The following IGF2R variants were observed in gnomAD, a reference collection of about 807,000 sequenced individuals.
IGF2R encodes the protein insulin like growth factor 2 receptor.
A neutral mutation model predicts 270.6 loss-of-function variants in IGF2R; 91 were observed. The ratio of observed to expected loss-of-function variants is 0.34; its 90% CI spans 0.28 to 0.40. IGF2R has a LOEUF of 0.40. Among genes scored for constraint, IGF2R ranks in the 10% least tolerant of loss-of-function variants. IGF2R has a pLI of 1.00. For synonymous variants in IGF2R, 1,316 were observed against 1,258.9 expected (o/e 1.05, Z -0.96); for missense variants, 2,805 against 3,188.3 (o/e 0.88, Z 2.90).
At chr6:159,983,306 C>T (rs2115175733) in intron 1 of IGF2R, among the ~76,000 whole-genome samples, 1 of 152,324 alleles carries the variant, frequency 6.6e-6, no homozygotes, top group Non-Finnish European at 1.5e-5. Context: ...AACCAGCTGA[C>T]AGTCTGTTAC....
intron 39 of IGF2R, among the ~76,000 whole-genome samples, chr6:160,082,955 G>A (rs1583298272): frequency 6.6e-6 from 1 of 152,308 alleles, no homozygotes; most frequent in Non-Finnish European, 1.5e-5. Context: ...ATTTCTAGTC[G>A]GGTGGGATGA....
chr6:160,000,013 C>T (rs1228777404), intron 2 of IGF2R, among the ~76,000 whole-genome samples: 1 of 152,116 alleles, frequency 6.6e-6, no homozygotes, highest in Non-Finnish European at 1.5e-5. Flanking sequence ...AGCATGTTTG[C>T]CAATGTACTA....
intron 6 of IGF2R, among the ~76,000 whole-genome samples, chr6:160,028,571 G>C (rs1253572706): frequency 1.3e-5 from 2 of 152,256 alleles, no homozygotes; most frequent in Admixed American, 1.3e-4. Flanking sequence ...TCTGTGATCA[G>C]CTATTCTCTA....
At position 160,102,701 on chromosome 6, in the gene IGF2R, G is replaced by A; in HGVS notation, c.6995+30G>A. 6.4e-7 allele frequency: 1 copy of A among 1,560,884 alleles called. No individual in the cohort carries two copies. Among genetic ancestry groups the A allele is most frequent in the South Asian group, 1.2e-5 (1 of 86,806 alleles). On this transcript the variant is annotated intron_variant, in intron 46 of 47. Transcript: ENST00000356956. The surrounding 1 kb of genome is among the most constrained non-coding windows in gnomAD (Gnocchi z 4.5). ...GCGGGTGGCAGGGCGAGGTGGGGCGGGTGGATGCATGCCTCCCATAGCTAA... is the reference window on the plus strand; with the variant it reads ...GCGGGTGGCAGGGCGAGGTGGGGCGAGTGGATGCATGCCTCCCATAGCTAA...
At position 160,061,861 on chromosome 6, in the gene IGF2R, T is replaced by A. The variant is rs747309472; in HGVS notation, c.3515T>A (p.Val1172Asp). Residue 1172 changes from valine (V) to aspartate (D), a missense_variant, in exon 25 of 48, where the codon GTC (valine) becomes GAC (aspartate). Coordinates refer to ENST00000356956, the MANE Select transcript of IGF2R (RefSeq NM_000876.4). ...AATGGATCTTTGAGCATCATGTATG[T>A]CAACGGTGACAAGTGTGGGAACCAG... ...AANGSLSIMY[V>D]NGDKCGNQRF... 1.2e-6 allele frequency: 2 copies of A among 1,614,188 alleles called. No individual in the cohort carries two copies. The highest frequency in any genetic ancestry group is 1.7e-6 in the Non-Finnish European group (2 of 1,180,036).
At chr6:160,013,292 C>T (rs1340428520) in intron 4 of IGF2R, among the ~76,000 whole-genome samples, 1 of 151,402 alleles carries the variant, frequency 6.6e-6, no homozygotes, top group Non-Finnish European at 1.5e-5. Flanking sequence ...TTTGTACAAC[C>T]CCAGGACTAA....
Position 160,073,353 on chromosome 6 carries a change from A to T in IGF2R, c.4831A>T (p.Ser1611Cys), listed in dbSNP as rs1778785906. 1 of 1,614,272 alleles carries T rather than the reference A, an allele frequency of 6.2e-7. No homozygotes were observed. The highest frequency in any genetic ancestry group is 1.3e-5 in the African/African-American group (1 of 75,078). Reference sequence around the variant, plus strand: ...CGGCCTGAGCTATAAGAGTGTGATCAGTTTCGTGTGCAGGCCTGAGGCCAG... The same window carrying T: ...CGGCCTGAGCTATAAGAGTGTGATCTGTTTCGTGTGCAGGCCTGAGGCCAG... ...KSGLSYKSVI[S>C]FVCRPEARPT... is the part of the protein sequence containing the mutation. Residue 1611 changes from serine to cysteine, a missense_variant, in exon 34 of 48, where the codon AGT becomes TGT. By Grantham distance (112) the Ser-to-Cys change is moderately radical (BLOSUM62 -1). Transcript: ENST00000356956.
At chr6:159,979,203 C>T (rs1250000236) in intron 1 of IGF2R, among the ~76,000 whole-genome samples, 1 of 152,186 alleles carries the variant, frequency 6.6e-6, no homozygotes, top group African/African-American at 2.4e-5. Flanking sequence ...TTGTTGCTAT[C>T]TGCATGGTTA....
intron 20 of IGF2R, 28 bp from the exon 21 acceptor site, chr6:160,057,995 C>T: frequency 7.0e-7 from 1 of 1,437,742 alleles, no homozygotes; most frequent in South Asian, 1.1e-5. Flanking sequence ...TTGAATGCGC[C>T]CCTTTTTCCC....
chr6:160,051,821 G>T lies in IGF2R; in HGVS notation c.2694+1169G>T, dbSNP rs185590138. Among the ~76,000 whole-genome samples the T allele has an allele frequency of 3.1e-3, 473 of 152,196 alleles. 4 individuals carry two copies. Among genetic ancestry groups the T allele is most frequent in the African/African-American group, 0.011 (457 of 41,512 alleles). ...AAAATTTAAAAAAAAATTTAGCCAA[G>T]TGTGGTGGCTCATGCCTGTAGTCCC... On this transcript the variant is annotated intron_variant, in intron 19 of 47. Coordinates refer to ENST00000356956, the MANE Select transcript of IGF2R (RefSeq NM_000876.4).
intron 11 of IGF2R, among the ~76,000 whole-genome samples, chr6:160,042,694 G>A (rs1229645151): frequency 1.3e-5 from 2 of 152,214 alleles, no homozygotes; most frequent in African/African-American, 4.8e-5. Flanking sequence ...ATGTGTAAGA[G>A]GTTGCTGGTT....
chr6:160,103,472 G>A (rs954876530), intron 46 of IGF2R, among the ~76,000 whole-genome samples: 2 of 152,228 alleles, frequency 1.3e-5, no homozygotes, highest in Non-Finnish European at 2.9e-5. Context: ...GGTCCTGTTA[G>A]TCATGTGAAA....
At chr6:160,096,314 G>A (rs539088735) in intron 44 of IGF2R, 125 bp from the exon 45 acceptor site, 9 of 784,364 alleles carry the variant, frequency 1.1e-5, no homozygotes, top group Middle Eastern at 3.8e-4. Flanking sequence ...CCTGTGGGAC[G>A]TGGGATGAAG....
chr6:160,068,264 C>T lies in IGF2R; in HGVS notation c.4131C>T (p.Asn1377=). The part of the protein sequence containing the change: ...TECSFKDGAG[N]SFDLSSLSRY... ...TTCTTTTCAGAGATGGGGCTGGCAA[C>T]TCCTTCGACCTCTCGTCCCTGTCAA... The change falls in exon 30 of 48, where the codon AAC becomes AAT. Residue 1377 remains asparagine (N), a synonymous_variant. Coordinates refer to ENST00000356956, the MANE Select transcript of IGF2R (RefSeq NM_000876.4). 6.2e-7 allele frequency: 1 copy of T among 1,614,244 alleles called. No homozygotes were observed. Among genetic ancestry groups the T allele is most frequent in the Non-Finnish European group, 8.5e-7 (1 of 1,180,036 alleles).
intron 2 of IGF2R, among the ~76,000 whole-genome samples, chr6:160,008,046 A>G (rs1032851610): frequency 6.6e-6 from 1 of 152,158 alleles, no homozygotes; most frequent in African/African-American, 2.4e-5. Context: ...ATACACTAAT[A>G]CTCATGATAC....
chr6:160,061,738 A>T lies in IGF2R; in HGVS notation c.3407-15A>T. On this transcript the variant is annotated splice_polypyrimidine_tract_variant and intron_variant, in intron 24 of 47. Transcript: ENST00000356956. ...CGCCTTCCTCATGCCCAAACCACTT[A>T]TTCTGTTCTTCCAGGCAGCGCAGTG... is the stretch of plus-strand genomic sequence containing the variant. 1 of 1,614,026 alleles carries T rather than the reference A, an allele frequency of 6.2e-7. No homozygotes were observed. Among genetic ancestry groups the T allele is most frequent in the South Asian group, 1.1e-5 (1 of 91,076 alleles).
At chr6:160,042,906 C>T (rs978362557) in intron 11 of IGF2R, among the ~76,000 whole-genome samples, 1 of 152,022 alleles carries the variant, frequency 6.6e-6, no homozygotes, top group African/African-American at 2.4e-5. Flanking sequence ...CCAGTTGGGC[C>T]TACTCTTCTG....
chr6:160,016,987 T>C (rs1034998291), intron 4 of IGF2R, among the ~76,000 whole-genome samples: 3 of 152,164 alleles, frequency 2.0e-5, no homozygotes, highest in Non-Finnish European at 4.4e-5. Context: ...CCCTGAAGGA[T>C]CATATTAATC....
At chr6:160,059,215 TC>T in intron 22 of IGF2R, 117 bp downstream of exon 22, 1 of 795,456 alleles carries the variant, frequency 1.3e-6, no homozygotes, top group Non-Finnish European at 2.0e-6. Flanking sequence ...GGCTGTGCTG[TC>T]CACCTTGCTG....
Sources: allele counts gnomAD v4.1 joint callset (sites outside exome capture counted in the v4.1 genomes callset), GRCh38; gene constraint gnomAD v4.1.1; non-coding constraint Gnocchi (gnomAD v3.1); transcripts MANE v1.5; gene names NCBI Gene and HGNC (gene_info 2026-07-23, HGNC 2026-07-21).